PTPN14: variants seen among roughly 807,000 people sequenced by gnomAD.
PTPN14 encodes tyrosine-protein phosphatase non-receptor type 14.
A neutral mutation model predicts 126.8 loss-of-function variants in PTPN14; 53 were observed. The observed-to-expected ratio is 0.42, with a 90% CI of 0.34 to 0.53. PTPN14 has a LOEUF of 0.53. Ranked by LOEUF, PTPN14 falls within the 20% of genes least tolerant of loss-of-function variation. The pLI, the probability that PTPN14 is intolerant of heterozygous loss-of-function variation, is 0.08. For synonymous variants in PTPN14, 630 were observed against 599.3 expected (o/e 1.05, Z -0.75); for missense variants, 1,257 against 1,552.9 (o/e 0.81, Z 3.20).
chr1:214,408,472 A>G (rs951143223), intron 5 of PTPN14, among the ~76,000 whole-genome samples: 4 of 152,212 alleles, frequency 2.6e-5, no homozygotes, highest in African/African-American at 9.6e-5. Context: ...GTTAAAACCT[A>G]GTCTTATCTT....
At chr1:214,512,509 T>C (rs568335598) in intron 1 of PTPN14, among the ~76,000 whole-genome samples, 5 of 152,202 alleles carry the variant, frequency 3.3e-5, no homozygotes, top group South Asian at 4.2e-4. Flanking sequence ...GTCAAGTTCA[T>C]GGAAACAGAG....
chr1:214,394,123 A>T (rs561221835), intron 9 of PTPN14, among the ~76,000 whole-genome samples: 17 of 152,348 alleles, frequency 1.1e-4, no homozygotes, highest in African/African-American at 3.8e-4. Flanking sequence ...AGACTTCTTA[A>T]ATTGGAGGCA....
Position 214,386,832 on chromosome 1 carries a change from A to T in PTPN14, c.1066+12T>A. 2 of 1,574,904 alleles carry T rather than the reference A, an allele frequency of 1.3e-6. No homozygotes were observed. Among genetic ancestry groups the T allele is most frequent in the Non-Finnish European group, 1.7e-6 (2 of 1,145,354 alleles). ...TTTGTCTTAAGAAGGGAGAACGGCA[A>T]GCCAGAGTTACCTTGCGAGGTGTGC... On this transcript the variant is annotated intron_variant, in intron 12 of 18. Transcript: ENST00000366956.
chr1:214,356,511 A>G lies in PTPN14; in HGVS notation c.*1411T>C, dbSNP rs537826253. ...CAGTAAGAGGAAAAAAGTACAAAAC[A>G]TGATTTATTGTGTACCATCCTTGGA... On this transcript the variant is annotated 3_prime_UTR_variant, in exon 19 of 19. Coordinates refer to ENST00000366956, the MANE Select transcript of PTPN14 (RefSeq NM_005401.5). 2 of 152,358 alleles carry G rather than the reference A, an allele frequency of 1.3e-5. No homozygotes were observed. Among genetic ancestry groups the G allele is most frequent in the East Asian group, 3.9e-4 (2 of 5,188 alleles). 9.4% of individuals were successfully genotyped at this position (152,358 alleles called of 1,614,324 possible).
rs1553274995 is a variant in PTPN14 at position 214,520,065 on chromosome 1, A to AATATATATATATATAT, written c.-155+31102_-155+31117dup. On this transcript the variant is annotated intron_variant, in intron 1 of 18. Coordinates refer to ENST00000366956, the MANE Select transcript of PTPN14 (RefSeq NM_005401.5). ...CCTGTCTCAAAAAAAAAAAAAAAAA[A>AATATATATATATATAT]ATATATATATATATATATGCAGAAT... Among the ~76,000 whole-genome samples, 157 of 71,066 alleles carry AATATATATATATATAT rather than the reference A, an allele frequency of 2.2e-3. 1 individual carries two copies. The highest frequency in any genetic ancestry group is 0.01 in the African/African-American group (140 of 13,672). The allele number at this position is 71,066 out of a possible 152,430, so 46.6% of individuals were successfully genotyped here.
At chr1:214,426,961 A>G (rs1011706452) in intron 3 of PTPN14, among the ~76,000 whole-genome samples, 4 of 152,030 alleles carry the variant, frequency 2.6e-5, no homozygotes, top group Non-Finnish European at 4.4e-5. Flanking sequence ...AAAATAAAAA[A>G]ATCTCAGCAG....
At chr1:214,415,156 A>T (rs964724943) in intron 3 of PTPN14, among the ~76,000 whole-genome samples, 5 of 152,264 alleles carry the variant, frequency 3.3e-5, no homozygotes, top group Non-Finnish European at 1.5e-5. Flanking sequence ...GGTAAGGCAG[A>T]TCACAAACAG....
rs10522279 is a variant in PTPN14, at chr1:214,460,524, A to AACACACACACAC, written c.174+4094_174+4105dup. The stretch of plus-strand genomic sequence containing the variant: ...AACTCTGCCTTTCCCTGAAAATTCC[A>AACACACACACAC]ACACACACACACACACACACACACA... On this transcript the variant is annotated intron_variant, in intron 2 of 18. Coordinates refer to ENST00000366956, the MANE Select transcript of PTPN14 (RefSeq NM_005401.5). Among the ~76,000 whole-genome samples the AACACACACACAC allele has an allele frequency of 7.4e-3, 977 of 132,642 alleles. 18 individuals are homozygous for AACACACACACAC. The highest frequency in any genetic ancestry group is 0.027 in the African/African-American group (888 of 33,250). The allele number at this position is 132,642 out of a possible 152,430, so 87.0% of individuals were successfully genotyped here. A position where few individuals can be genotyped will look rare whatever the true frequency, so the allele number is the denominator to read the frequency against.
At chr1:214,488,504 C>T (rs61819645) in intron 1 of PTPN14, among the ~76,000 whole-genome samples, 4,583 of 152,288 alleles carry the variant, frequency 0.03, 102 homozygotes, top group Middle Eastern at 0.058. Flanking sequence ...GCACATAAAA[C>T]CCATGTAAAA....
In PTPN14 at chr1:214,390,920, C is replaced by A. The variant is rs1658735037; in HGVS notation, c.987+68G>T. 5.4e-6 allele frequency: 7 copies of A among 1,292,142 alleles called. No homozygotes were observed. The East Asian group carries it at 1.2e-4, about 23-fold the overall frequency. The allele number at this position is 1,292,142 out of a possible 1,614,324, so 80.0% of individuals were successfully genotyped here. A position where few individuals can be genotyped will look rare whatever the true frequency, so the allele number is the denominator to read the frequency against. ...CATCATGATGCCCTCATCATCCCCC[C>A]ACCTCAAATTAATAACAAAGAATGC... On this transcript the variant is annotated intron_variant, in intron 11 of 18. Transcript: ENST00000366956.
intron 1 of PTPN14, among the ~76,000 whole-genome samples, chr1:214,545,143 CA>C (rs1449233993): frequency 6.6e-6 from 1 of 152,068 alleles, no homozygotes; most frequent in Non-Finnish European, 1.5e-5. Context: ...AAATAGTACT[CA>C]AAAAAGTAAA....
At chr1:214,433,345 G>A (rs1384430707) in intron 3 of PTPN14, among the ~76,000 whole-genome samples, 1 of 151,898 alleles carries the variant, frequency 6.6e-6, no homozygotes, top group African/African-American at 2.4e-5. Flanking sequence ...AAACTGGCAG[G>A]GTCTAGTGTA....
At chr1:214,538,750 G>C (rs761118235) in intron 1 of PTPN14, among the ~76,000 whole-genome samples, 1 of 152,092 alleles carries the variant, frequency 6.6e-6, no homozygotes, top group African/African-American at 2.4e-5. Context: ...GTAAGTGGGG[G>C]AGACAGAGGG....
chr1:214,432,127 G>A (rs1236103724), intron 3 of PTPN14, among the ~76,000 whole-genome samples: 1 of 152,018 alleles, frequency 6.6e-6, no homozygotes, highest in Admixed American at 6.5e-5. Context: ...GGGCCAGGAG[G>A]CTTCAGTGAG....
intron 3 of PTPN14, among the ~76,000 whole-genome samples, chr1:214,437,789 A>G (rs1472058757): frequency 3.3e-5 from 5 of 152,162 alleles, no homozygotes; most frequent in Admixed American, 6.5e-5. Context: ...CAGTTCCCCA[A>G]AATCCCCCCT....
At chr1:214,535,118 A>ACCAGAAAT (rs932763322) in intron 1 of PTPN14, among the ~76,000 whole-genome samples, 7 of 152,372 alleles carry the variant, frequency 4.6e-5, no homozygotes, top group Middle Eastern at 3.4e-3. Context: ...GCCAATGAGT[A>ACCAGAAAT]CCAGAAATTA....
At chr1:214,469,056 A>G (rs74139885) in intron 1 of PTPN14, among the ~76,000 whole-genome samples, 13,788 of 152,270 alleles carry the variant, frequency 0.091, 642 homozygotes, top group South Asian at 0.12. Context: ...CCACAGAGCC[A>G]TGCTTCTGGA....
At chr1:214,462,401 C>T (rs1274975631) in intron 2 of PTPN14, among the ~76,000 whole-genome samples, 1 of 152,158 alleles carries the variant, frequency 6.6e-6, no homozygotes, top group Non-Finnish European at 1.5e-5. Context: ...CTAGCTTGAC[C>T]TGGTGATTCA....
chr1:214,538,067 A>C (rs1342039905), intron 1 of PTPN14, among the ~76,000 whole-genome samples: 1 of 152,240 alleles, frequency 6.6e-6, no homozygotes, highest in Non-Finnish European at 1.5e-5. Context: ...TTCAAATGCT[A>C]AACAGCCACA....
Sources: gnomAD v4.1 joint callset for allele counts (sites outside exome capture counted in the v4.1 genomes callset) on GRCh38, gnomAD v4.1.1 for gene constraint, MANE v1.5 for transcripts, NCBI Gene and HGNC (gene_info 2026-07-23, HGNC 2026-07-21) for gene names.